Variants in KLHL1 observed in about 807,000 individuals in gnomAD.
KLHL1 encodes kelch like family member 1.
A neutral mutation model predicts 77.7 loss-of-function variants in KLHL1; 47 were observed. That is an observed-to-expected ratio of 0.60 (90% CI 0.48 to 0.77). KLHL1 has a LOEUF of 0.77. Among genes scored for constraint, KLHL1 ranks in the 30% least tolerant of loss-of-function variants. KLHL1 has a pLI of 0.00. For synonymous variants in KLHL1, 360 were observed against 325.2 expected (o/e 1.11, Z -1.15); for missense variants, 925 against 910.8 (o/e 1.02, Z -0.20).
intron 6 of KLHL1, among the ~76,000 whole-genome samples, chr13:69,837,930 A>G (rs1338724275): frequency 2.0e-5 from 3 of 151,258 alleles, no homozygotes; most frequent in Non-Finnish European, 3.0e-5. Flanking sequence ...TTGCCCTTTT[A>G]TTCTCTTGAT....
At chr13:70,104,851 A>C (rs1196466863) in intron 1 of KLHL1, among the ~76,000 whole-genome samples, 3 of 152,086 alleles carry the variant, frequency 2.0e-5, no homozygotes, top group Non-Finnish European at 2.9e-5. Flanking sequence ...AAGCATAATA[A>C]AATTTCCATT....
intron 7 of KLHL1, among the ~76,000 whole-genome samples, chr13:69,787,012 A>G (rs918342789): frequency 2.0e-5 from 3 of 152,216 alleles, no homozygotes; most frequent in African/African-American, 7.2e-5. Flanking sequence ...ATAAAAGAGG[A>G]TACAAACAAA....
At chr13:70,056,639 C>A (rs1485837933) in intron 1 of KLHL1, among the ~76,000 whole-genome samples, 1 of 152,034 alleles carries the variant, frequency 6.6e-6, no homozygotes. Context: ...CTGATCTCAA[C>A]AGAATAAAAT....
chr13:69,740,309 C>T (rs2137929006), intron 8 of KLHL1, 85 bp downstream of exon 8: 14 of 915,156 alleles, frequency 1.5e-5, no homozygotes, highest in South Asian at 1.2e-4. Context: ...CAATTTTTAC[C>T]AGCTTATTAA....
At chr13:70,040,850 G>A (rs1182822934) in intron 1 of KLHL1, among the ~76,000 whole-genome samples, 2 of 151,994 alleles carry the variant, frequency 1.3e-5, no homozygotes, top group East Asian at 1.9e-4. Flanking sequence ...CCAATTTATG[G>A]AACCCCAAAG....
At position 69,882,320 on chromosome 13, in the gene KLHL1, A is replaced by G; in HGVS notation, c.1190T>C (p.Leu397Pro). ...MQSRCNDLSM[L>P]LAFIRLPLLP... Reference sequence around the variant, plus strand: ...CAGTGGCAGTCTTATAAAGGCAAGAAGCATGCTCAGGTCATTGCATCTACT... The same window carrying G: ...CAGTGGCAGTCTTATAAAGGCAAGAGGCATGCTCAGGTCATTGCATCTACT... The change falls in exon 5 of 11, where the codon CTT becomes CCT. Residue 397 changes from leucine (L) to proline (P), a missense_variant. Leu to Pro is a moderately conservative substitution (Grantham distance 98). Coordinates refer to ENST00000377844, the MANE Select transcript of KLHL1 (RefSeq NM_020866.3). 1 of 1,613,962 alleles carries G rather than the reference A, an allele frequency of 6.2e-7. No homozygotes were observed.
intron 8 of KLHL1, among the ~76,000 whole-genome samples, chr13:69,724,882 C>T (rs1873227580): frequency 1.3e-5 from 2 of 152,012 alleles, no homozygotes; most frequent in Non-Finnish European, 2.9e-5. Context: ...ACCAAATTTG[C>T]CCAGTAAAAA....
rs1422038611 is a variant in KLHL1, at chr13:69,701,753, G to A, written c.2196C>T (p.Ser732=). 1.2e-6 allele frequency: 2 copies of A among 1,604,096 alleles called. No homozygotes were observed. Among genetic ancestry groups the A allele is most frequent in the East Asian group, 2.2e-5 (1 of 44,494 alleles). The change falls in exon 11 of 11, where the codon TCC becomes TCT. Residue 732 remains serine, a synonymous_variant. Coordinates refer to ENST00000377844, the MANE Select transcript of KLHL1 (RefSeq NM_020866.3). ...AGGCACCTGCTCTCCCAATATTCAAGGAAGCCATCTGTTAAAAAAGATGAA... is the reference window on the plus strand; with the variant it reads ...AGGCACCTGCTCTCCCAATATTCAAAGAAGCCATCTGTTAAAAAAGATGAA... The part of the protein sequence containing the change: ...PQTNEWTQMA[S]LNIGRAGACV...
rs147928403 is a variant in KLHL1 at position 70,046,017 on chromosome 13, T to G, written c.497+61186A>C. Among the ~76,000 whole-genome samples the G allele has an allele frequency of 5.4e-4, 82 of 152,296 alleles. 1 individual carries two copies. The highest frequency in any genetic ancestry group is 1.9e-3 in the African/African-American group (79 of 41,556). The stretch of plus-strand genomic sequence containing the variant: ...AGTTAAGTTGTTTTTTGTAATTTAT[T>G]TATCTACTCTCTTTCTCTAAAATGC... On this transcript the variant is annotated intron_variant, in intron 1 of 10. Coordinates refer to ENST00000377844, the MANE Select transcript of KLHL1 (RefSeq NM_020866.3).
At chr13:69,833,636 A>AT (rs1304592772) in intron 6 of KLHL1, among the ~76,000 whole-genome samples, 1 of 151,902 alleles carries the variant, frequency 6.6e-6, no homozygotes, top group Non-Finnish European at 1.5e-5. Flanking sequence ...AAGTCATTAT[A>AT]TGAAAAAGAC....
intron 7 of KLHL1, among the ~76,000 whole-genome samples, chr13:69,749,088 G>A (rs1874354383): frequency 1.3e-5 from 2 of 151,938 alleles, no homozygotes; most frequent in African/African-American, 2.4e-5. Context: ...GCCTTATTAT[G>A]TGATTCTCAT....
chr13:69,922,610 T>C (rs1389323356), intron 4 of KLHL1, among the ~76,000 whole-genome samples: 3 of 152,190 alleles, frequency 2.0e-5, no homozygotes, highest in African/African-American at 7.2e-5. Flanking sequence ...TTCATTTTCA[T>C]TGGAAAATGT....
chr13:70,036,887 C>A (rs144036082), intron 1 of KLHL1, among the ~76,000 whole-genome samples: 990 of 58,344 alleles, frequency 0.017, 8 homozygotes, highest in Non-Finnish European at 0.022. Flanking sequence ...GCTAAGCATT[C>A]GATTTCTGTT....
chr13:69,833,668 T>G (rs1445894734), intron 6 of KLHL1, among the ~76,000 whole-genome samples: 1 of 151,882 alleles, frequency 6.6e-6, no homozygotes, highest in Non-Finnish European at 1.5e-5. Context: ...TGTGTGTTTA[T>G]AGCAACATAA....
At chr13:70,004,883 T>C (rs1310545051) in intron 1 of KLHL1, among the ~76,000 whole-genome samples, 1 of 151,408 alleles carries the variant, frequency 6.6e-6, no homozygotes, top group African/African-American at 2.4e-5. Context: ...CTATAACTGA[T>C]ATTAATATAT....
chr13:69,968,660 C>G lies in KLHL1; in HGVS notation c.680+6960G>C, dbSNP rs554250529. Among the ~76,000 whole-genome samples the G allele has an allele frequency of 5.3e-5, 8 of 152,028 alleles. 1 individual carries two copies. In the South Asian group the frequency reaches 1.7e-3, roughly 32 times the overall value. On this transcript the variant is annotated intron_variant, in intron 2 of 10. Transcript: ENST00000377844. ...TATGTGTGCATGTCTGTCAAAGACT[C>G]CTTAGAAAAAGGACAGACTGCAGAA...
At chr13:70,064,542 T>C (rs1016179501) in intron 1 of KLHL1, among the ~76,000 whole-genome samples, 3 of 152,214 alleles carry the variant, frequency 2.0e-5, no homozygotes, top group African/African-American at 7.2e-5. Context: ...CCTATTGTGA[T>C]AAACCTCATT....
intron 1 of KLHL1, among the ~76,000 whole-genome samples, chr13:70,088,496 G>A (rs1288377837): frequency 6.6e-6 from 1 of 152,084 alleles, no homozygotes; most frequent in East Asian, 1.9e-4. Context: ...CCTGCACAAT[G>A]CAACAAGACT....
intron 1 of KLHL1, among the ~76,000 whole-genome samples, chr13:70,049,524 T>C (rs1886581022): frequency 6.6e-6 from 1 of 152,200 alleles, no homozygotes; most frequent in African/African-American, 2.4e-5. Context: ...TCCCATCATC[T>C]GGTGAAGGGT....
Sources: allele counts gnomAD v4.1 joint callset (sites outside exome capture counted in the v4.1 genomes callset), GRCh38; gene constraint gnomAD v4.1.1; transcripts MANE v1.5; gene names NCBI Gene and HGNC (gene_info 2026-07-23, HGNC 2026-07-21).